SCN3B: variants seen among roughly 807,000 people sequenced by gnomAD.
SCN3B encodes sodium voltage-gated channel beta subunit 3, also known as sodium channel regulatory subunit beta-3.
Under a neutral mutation model 25.4 loss-of-function variants are expected in SCN3B, and 11 were observed. The ratio of observed to expected loss-of-function variants is 0.43; its 90% CI spans 0.27 to 0.72. SCN3B has a LOEUF of 0.72. Among genes scored for constraint, SCN3B ranks in the 30% least tolerant of loss-of-function variants. The pLI, the probability that SCN3B is intolerant of heterozygous loss-of-function variation, is 0.18. For missense variants in SCN3B, 218 were observed against 278.3 expected, an observed-to-expected ratio of 0.78 and a Z score of 1.54; for synonymous variants, 109 against 110.7, an observed-to-expected ratio of 0.99 and a Z score of 0.09.
Position 123,653,833 on chromosome 11 carries a change from A to C in SCN3B, c.-25-7T>G. The C allele has an allele frequency of 2.5e-6, 4 of 1,612,682 alleles. No individual in the cohort carries two copies. The East Asian group carries it at 8.9e-5, about 36-fold the overall frequency. ...GGGCTGGCGGCTTCCAAGGCTACAC[A>C]GAGAGATTCCCTCGGTCAAGGACTG... is the stretch of plus-strand genomic sequence containing the variant. On this transcript the variant is annotated splice_region_variant and splice_polypyrimidine_tract_variant and intron_variant, in intron 1 of 6. Coordinates refer to ENST00000299333, the MANE Select transcript of SCN3B (RefSeq NM_001040151.2).
At chr11:123,638,371 T>C (rs1955753159) in intron 4 of SCN3B, 47 bp from the exon 5 acceptor site, 3 of 1,611,274 alleles carry the variant, frequency 1.9e-6, no homozygotes, top group African/African-American at 1.3e-5. Context: ...CCAGCAAACC[T>C]AGAGCCGTCA....
In SCN3B at chr11:123,642,564, G is replaced by A. The variant is rs199937307; in HGVS notation, c.327C>T (p.Asn109=). 187 of 1,614,158 alleles carry A rather than the reference G, an allele frequency of 1.2e-4. No individual in the cohort carries two copies. The highest frequency in any genetic ancestry group is 6.7e-4 in the Admixed American group (40 of 60,014). Residue 109 remains asparagine, a synonymous_variant, in exon 4 of 7, where the codon AAC becomes AAT. Coordinates refer to ENST00000299333, the MANE Select transcript of SCN3B (RefSeq NM_001040151.2). The surrounding 1 kb of genome is among the most constrained non-coding windows in gnomAD (Gnocchi z 4.3). ...AGAGGCCAGAGTCGTTCAGAGTGAC[G>A]TTGAGCACAGTGATGGACACGTCCT... ...DLQDVSITVL[N]VTLNDSGLYT... is the part of the protein sequence containing the mutation.
At chr11:123,644,840 T>TACAC (rs1555115890) in intron 3 of SCN3B, among the ~76,000 whole-genome samples, 15 of 124,700 alleles carry the variant, frequency 1.2e-4, no homozygotes, top group African/African-American at 2.8e-4. Flanking sequence ...TATATATATA[T>TACAC]ACACACACAC....
At position 123,642,034 on chromosome 11, in the gene SCN3B, T is replaced by C. The variant is rs956041140; in HGVS notation, c.445+412A>G. Among the ~76,000 whole-genome samples, 2 of 152,122 alleles carry C rather than the reference T, an allele frequency of 1.3e-5. No homozygotes were observed. The highest frequency in any genetic ancestry group is 2.9e-5 in the Non-Finnish European group (2 of 68,038). Reference sequence around the variant, plus strand: ...TTTGAGAACCCCTGGCTTAGAGGCATGTATTGCTTACAGGTAGAAGGAGAG... The same window carrying C: ...TTTGAGAACCCCTGGCTTAGAGGCACGTATTGCTTACAGGTAGAAGGAGAG... On this transcript the variant is annotated intron_variant, in intron 4 of 6. Coordinates refer to ENST00000299333, the MANE Select transcript of SCN3B (RefSeq NM_001040151.2). This position sits in a 1 kb window ranked among gnomAD's most constrained non-coding sequence, Gnocchi z 4.3.
chr11:123,638,468 T>G, intron 4 of SCN3B, 144 bp from the exon 5 acceptor site: 1 of 1,126,556 alleles, frequency 8.9e-7, no homozygotes, highest in South Asian at 1.4e-5. Flanking sequence ...ATCCTGACTC[T>G]CCCGCCCATT....
chr11:123,638,805 C>A, intron 4 of SCN3B: 1 of 212,932 alleles, frequency 4.7e-6, no homozygotes, highest in Non-Finnish European at 9.5e-6. Flanking sequence ...GTCTTTTGAG[C>A]TGCCGGTGGT....
At position 123,653,982 on chromosome 11, in the gene SCN3B, T is replaced by C. The variant is rs3851103; in HGVS notation, c.-25-156A>G. On this transcript the variant is annotated intron_variant, in intron 1 of 6. Coordinates refer to ENST00000299333, the MANE Select transcript of SCN3B (RefSeq NM_001040151.2). The stretch of plus-strand genomic sequence containing the variant: ...GGCCCTGGGAGCTTTTGGAGCCGGG[T>C]GGGGGCTTTGGGCCCTAAGCGACCC... The C allele has an allele frequency of 0.14, 91,939 of 675,134 alleles. 6,602 individuals are homozygous for C. Among genetic ancestry groups the C allele is most frequent in the Admixed American group, 0.22 (8,979 of 40,756 alleles). The allele number at this position is 675,134 out of a possible 1,614,324, so 41.8% of individuals were successfully genotyped here. A position where few individuals can be genotyped will look rare whatever the true frequency, so the allele number is the denominator to read the frequency against.
rs1317090222 is a variant in SCN3B at position 123,633,439 on chromosome 11, AG to A, written c.*359del. On this transcript the variant is annotated 3_prime_UTR_variant, in exon 7 of 7. Transcript: ENST00000299333. The stretch of plus-strand genomic sequence containing the variant: ...ACCAGTTCCAGCCAGTTAAGGGCAG[AG>A]GGAGGTGCTAACTCCAGCACTTGTA... 1 of 154,054 alleles carries A rather than the reference AG, an allele frequency of 6.5e-6. No individual in the cohort carries two copies. The highest frequency in any genetic ancestry group is 1.4e-5 in the Non-Finnish European group (1 of 69,322). The allele number at this position is 154,054 out of a possible 1,614,324, so 9.5% of individuals were successfully genotyped here.
chr11:123,649,622 CTTTTTTCTTTCTTTCTT>C (rs1482649483), intron 2 of SCN3B, among the ~76,000 whole-genome samples: 3 of 148,046 alleles, frequency 2.0e-5, no homozygotes, highest in East Asian at 1.9e-4. Context: ...TCTTTTCTTT[CTTTTTTCTTTCTTTCTT>C]TTTTTTCTTT....
chr11:123,644,592 C>T (rs1392791779), intron 3 of SCN3B, among the ~76,000 whole-genome samples: 1 of 151,858 alleles, frequency 6.6e-6, no homozygotes, highest in Non-Finnish European at 1.5e-5. Context: ...GCCAACATGG[C>T]AAAACTCTGT....
At chr11:123,646,347 G>A (rs144109848) in intron 2 of SCN3B, among the ~76,000 whole-genome samples, 129 of 152,340 alleles carry the variant, frequency 8.5e-4, no homozygotes, top group African/African-American at 3.0e-3. Flanking sequence ...AGAGAAGGAT[G>A]GTGAAACATG....
At chr11:123,638,089 G>T in intron 5 of SCN3B, 97 bp downstream of exon 5, 1 of 1,383,304 alleles carries the variant, frequency 7.2e-7, no homozygotes, top group Non-Finnish European at 1.0e-6. Flanking sequence ...CATGAAGAGG[G>T]TGGAGGATGA....
At chr11:123,634,723 T>A (rs752176168) in intron 5 of SCN3B, among the ~76,000 whole-genome samples, 5 of 152,210 alleles carry the variant, frequency 3.3e-5, no homozygotes, top group Non-Finnish European at 5.9e-5. Flanking sequence ...AGTGAGACCA[T>A]GTCTCAAAAA....
At position 123,642,664 on chromosome 11, in the gene SCN3B, T is replaced by C; in HGVS notation, c.227A>G (p.Glu76Gly). The C allele has an allele frequency of 6.2e-7, 1 of 1,613,084 alleles. No individual in the cohort carries two copies. Among genetic ancestry groups the C allele is most frequent in the Non-Finnish European group, 8.5e-7 (1 of 1,179,550 alleles). The change falls in exon 4 of 7, where the codon GAG becomes GGG. Residue 76 changes from glutamate (E) to glycine (G), a missense_variant. Coordinates refer to ENST00000299333, the MANE Select transcript of SCN3B (RefSeq NM_001040151.2). This position sits in a 1 kb window ranked among gnomAD's most constrained non-coding sequence, Gnocchi z 4.3. ...PEGGKDFLIYEYRNGHQEVES... is the reference protein window; with the variant it reads ...PEGGKDFLIYGYRNGHQEVES... Reference sequence around the variant, plus strand: ...CACCTCCTGGTGGCCATTCCGATACTCGTAAATCTGCAGATAGAGGAGCAG... The same window carrying C: ...CACCTCCTGGTGGCCATTCCGATACCCGTAAATCTGCAGATAGAGGAGCAG...
At chr11:123,651,749 C>T (rs1182182468) in intron 2 of SCN3B, among the ~76,000 whole-genome samples, 1 of 152,088 alleles carries the variant, frequency 6.6e-6, no homozygotes, top group Non-Finnish European at 1.5e-5. Context: ...TTTGGTGAGA[C>T]AACACTCAGT....
chr11:123,648,767 C>T (rs1955885146), intron 2 of SCN3B, among the ~76,000 whole-genome samples: 1 of 152,092 alleles, frequency 6.6e-6, no homozygotes, highest in South Asian at 2.1e-4. Context: ...TCAAGGGGCC[C>T]AAAGGAGTGT....
chr11:123,649,711 CT>C (rs545690408), intron 2 of SCN3B, among the ~76,000 whole-genome samples: 42 of 124,800 alleles, frequency 3.4e-4, no homozygotes, highest in Admixed American at 6.8e-4. Context: ...CTCTCTCTTT[CT>C]TTTTTTTTTA....
chr11:123,645,924 T>C (rs983970450), intron 2 of SCN3B, among the ~76,000 whole-genome samples, 174 bp from the exon 3 acceptor site: 2 of 152,170 alleles, frequency 1.3e-5, no homozygotes, highest in African/African-American at 4.8e-5. Flanking sequence ...GCTCCCTGAA[T>C]GTACAGGCTC....
Position 123,631,664 on chromosome 11 carries a change from A to C in SCN3B, c.*2135T>G, listed in dbSNP as rs1955674380. 6.6e-6 allele frequency: 1 copy of C among 152,004 alleles called. No homozygotes were observed. Among genetic ancestry groups the C allele is most frequent in the Non-Finnish European group, 1.5e-5 (1 of 68,020 alleles). The allele number at this position is 152,004 out of a possible 1,614,324, so 9.4% of individuals were successfully genotyped here. On this transcript the variant is annotated 3_prime_UTR_variant, in exon 7 of 7. Transcript: ENST00000299333. Reference sequence around the variant, plus strand: ...GCGACATGGCAAGACCCCTGTCTCTACATAAAATACAAAAATTAGCCAGGC... The same window carrying C: ...GCGACATGGCAAGACCCCTGTCTCTCCATAAAATACAAAAATTAGCCAGGC...
Sources: allele counts gnomAD v4.1 joint callset (sites outside exome capture counted in the v4.1 genomes callset), GRCh38; gene constraint gnomAD v4.1.1; non-coding constraint Gnocchi (gnomAD v3.1); transcripts MANE v1.5; gene names NCBI Gene and HGNC (gene_info 2026-07-23, HGNC 2026-07-21).